The following NXNL2 variants were observed in gnomAD, a reference collection of about 807,000 sequenced individuals.
NXNL2 encodes the protein nucleoredoxin-like protein 2.
In NXNL2, 7 loss-of-function variants were observed where a neutral mutation model predicts 11.1. That is an observed-to-expected ratio of 0.63 (90% confidence interval 0.36 to 1.18). The LOEUF is 1.18. Among genes scored for constraint, NXNL2 ranks in the 50% most tolerant of loss-of-function variants. The pLI is 0.02. For missense variants in NXNL2, 233 were observed against 217.7 expected (o/e 1.07, Z -0.44); for synonymous variants, 109 against 101.8 (o/e 1.07, Z -0.42).
chr9:88,542,543 C>G (rs1829782379), intron 1 of NXNL2, among the ~76,000 whole-genome samples: 1 of 152,110 alleles, frequency 6.6e-6, no homozygotes, highest in Non-Finnish European at 1.5e-5. Context: ...CCACCTCAGC[C>G]TCCCAAAGTG....
downstream of NXNL2, among the ~76,000 whole-genome samples, chr9:88,546,484 T>G (rs1041695780): frequency 6.7e-6 from 1 of 148,628 alleles, no homozygotes; most frequent in Non-Finnish European, 1.5e-5. Flanking sequence ...GGCACCATCT[T>G]GGCTCACTGC....
intron 1 of NXNL2, among the ~76,000 whole-genome samples, chr9:88,569,771 T>C (rs1221616468): frequency 6.6e-6 from 1 of 152,244 alleles, no homozygotes; most frequent in Non-Finnish European, 1.5e-5. Flanking sequence ...GATTCTTAAT[T>C]TGAATTTTCC....
chr9:88,573,608 G>A (rs761299180), intron 2 of NXNL2, among the ~76,000 whole-genome samples: 4 of 152,218 alleles, frequency 2.6e-5, no homozygotes. Flanking sequence ...GCACTCACGA[G>A]CAAGTGGTTG....
At chr9:88,542,293 T>C (rs1181192303) in intron 1 of NXNL2, among the ~76,000 whole-genome samples, 2 of 151,816 alleles carry the variant, frequency 1.3e-5, no homozygotes, top group East Asian at 3.9e-4. Context: ...TATATTTTTT[T>C]ATTTTTATTT....
rs546987329 is a variant in NXNL2 at position 88,567,344 on chromosome 9, G to A, written c.303-3743G>A. On this transcript the variant is annotated intron_variant, in intron 1 of 2. Coordinates refer to the NXNL2 transcript ENST00000375855. ...AGTACAGACAGGGTTTCACCATGTT[G>A]GCCAGCCTTGTCTCCAACTCTTGAC... 2.6e-5 allele frequency among the ~76,000 whole-genome samples: 4 copies of A among 152,158 alleles called. No individual in the cohort carries two copies. The South Asian group carries it at 8.3e-4, about 32-fold the overall frequency.
chr9:88,545,731 A>G (rs1338522347), downstream of NXNL2, among the ~76,000 whole-genome samples: 1 of 151,928 alleles, frequency 6.6e-6, no homozygotes, highest in East Asian at 1.9e-4. Flanking sequence ...TTTCTTCCAA[A>G]ACTCAGAGAT....
At position 88,573,147 on chromosome 9, in the gene NXNL2, A is replaced by AG. The variant is rs1830297157; in HGVS notation, c.*16+1939_*17-1939insG. Reference sequence around the variant, plus strand: ...ATTGATTGAAGGACATAAAATAGTCAATTTTTTTTTTTTTGAGACAAGGTC... The same window carrying AG: ...ATTGATTGAAGGACATAAAATAGTCAGATTTTTTTTTTTTTGAGACAAGGTC... On this transcript the variant is annotated intron_variant, in intron 2 of 2. Coordinates refer to the NXNL2 transcript ENST00000375855. 3.7e-5 allele frequency among the ~76,000 whole-genome samples: 5 copies of AG among 134,740 alleles called. No individual in the cohort carries two copies. The South Asian group carries it at 1.5e-3, about 40-fold the overall frequency. 88.4% of individuals were successfully genotyped at this position (134,740 alleles called of 152,430 possible).
intron 1 of NXNL2, among the ~76,000 whole-genome samples, chr9:88,569,968 T>G (rs1281933170): frequency 6.6e-6 from 1 of 152,162 alleles, no homozygotes; most frequent in African/African-American, 2.4e-5. Context: ...TCTGCAGACC[T>G]CTGCAGGGCG....
downstream of NXNL2, among the ~76,000 whole-genome samples, chr9:88,548,339 C>CAAAAAAAAA (rs60796870): frequency 3.2e-5 from 1 of 31,068 alleles, no homozygotes; most frequent in African/African-American, 1.2e-4. Context: ...GACTTTTTCT[C>CAAAAAAAAA]AAAAAAAAAA....
chr9:88,540,058 C>T (rs576110293), intron 1 of NXNL2, among the ~76,000 whole-genome samples: 2 of 151,040 alleles, frequency 1.3e-5, no homozygotes, highest in East Asian at 2.0e-4. Context: ...TGCGGCCGGG[C>T]GTGGTGGCTC....
At chr9:88,543,028 G>A (rs1239381121) in intron 1 of NXNL2, among the ~76,000 whole-genome samples, 1 of 152,210 alleles carries the variant, frequency 6.6e-6, no homozygotes, top group Non-Finnish European at 1.5e-5. Context: ...TCTTGAGGGA[G>A]TAATCCCAGT....
At chr9:88,556,472 G>A (rs181689404) in intron 1 of NXNL2, among the ~76,000 whole-genome samples, 1 of 152,268 alleles carries the variant, frequency 6.6e-6, no homozygotes, top group African/African-American at 2.4e-5. Flanking sequence ...CTGAAGGTGG[G>A]TAGTCCCAAC....
At chr9:88,569,504 C>G (rs964132334) in intron 1 of NXNL2, among the ~76,000 whole-genome samples, 1 of 152,100 alleles carries the variant, frequency 6.6e-6, no homozygotes. Context: ...TTCATCTCTT[C>G]GGGTTTTCTC....
At position 88,535,391 on chromosome 9, in the gene NXNL2, T is replaced by G. The variant is rs1829582323; in HGVS notation, c.-44T>G. 6.6e-7 allele frequency: 1 copy of G among 1,515,734 alleles called. No individual in the cohort carries two copies. Among genetic ancestry groups the G allele is most frequent in the Non-Finnish European group, 8.8e-7 (1 of 1,137,578 alleles). The allele number at this position is 1,515,734 out of a possible 1,614,324, so 93.9% of individuals were successfully genotyped here. On this transcript the variant is annotated 5_prime_UTR_variant, in exon 1 of 2. Transcript: ENST00000375854. ...GCCGCCTCCCCGCAGGTGATCATCC[T>G]CCTGCAGGTGTCCTCGGGTCTCAGG...
chr9:88,548,164 C>T (rs1388078727), downstream of NXNL2, among the ~76,000 whole-genome samples: 1 of 150,390 alleles, frequency 6.6e-6, no homozygotes, highest in Non-Finnish European at 1.5e-5. Context: ...CATGGTGAAA[C>T]CCCGTCTCTA....
At chr9:88,579,047 T>C (rs1025007747), downstream of NXNL2, among the ~76,000 whole-genome samples, 1 of 152,172 alleles carries the variant, frequency 6.6e-6, no homozygotes, top group African/African-American at 2.4e-5. Flanking sequence ...GCTGATTAAG[T>C]GGGTGGGTTG....
At chr9:88,559,923 G>A (rs1830065599) in intron 1 of NXNL2, among the ~76,000 whole-genome samples, 1 of 152,152 alleles carries the variant, frequency 6.6e-6, no homozygotes, top group Non-Finnish European at 1.5e-5. Context: ...TGGGACATAT[G>A]TAAACACAGG....
intron 1 of NXNL2, among the ~76,000 whole-genome samples, chr9:88,583,372 C>A (rs1397607730): frequency 3.9e-5 from 6 of 152,216 alleles, no homozygotes; most frequent in South Asian, 2.1e-4. Context: ...GGAATGTTCT[C>A]TGAATTCCTC....
intron 1 of NXNL2, among the ~76,000 whole-genome samples, chr9:88,536,688 G>T (rs1829627595): frequency 6.6e-6 from 1 of 152,150 alleles, no homozygotes; most frequent in African/African-American, 2.4e-5. Context: ...AAAACTGGAA[G>T]CTAACTTTGG....
Sources: allele counts gnomAD v4.1 joint callset (sites outside exome capture counted in the v4.1 genomes callset), GRCh38; gene constraint gnomAD v4.1.1; transcripts MANE v1.5; gene names NCBI Gene and HGNC (gene_info 2026-07-23, HGNC 2026-07-21).